The following DHX30 variants were observed in gnomAD, a reference collection of about 807,000 sequenced individuals.
DHX30 encodes ATP-dependent RNA helicase DHX30.
DHX30 carries 4 observed loss-of-function variants against 116.9 expected under a neutral mutation model. The observed-to-expected ratio is 0.03, with a 90% CI of 0.02 to 0.08. The LOEUF is 0.08. Ranked by LOEUF, DHX30 falls within the 10% of genes least tolerant of loss-of-function variation. DHX30 has a pLI of 1.00. For synonymous variants in DHX30, 697 were observed against 651.7 expected, an observed-to-expected ratio of 1.07 and a Z score of -1.06; for missense variants, 871 against 1,595.1, an observed-to-expected ratio of 0.55 and a Z score of 7.73.
intron 9 of DHX30, among the ~76,000 whole-genome samples, chr3:47,845,298 G>A (rs1372393355): frequency 1.3e-5 from 2 of 151,864 alleles, no homozygotes; most frequent in African/African-American, 2.4e-5. Context: ...GGCGATTCTC[G>A]TGCCTCAGCC....
chr3:47,835,161 G>A (rs996491325), intron 6 of DHX30, among the ~76,000 whole-genome samples: 1 of 148,792 alleles, frequency 6.7e-6, no homozygotes, highest in African/African-American at 2.5e-5. Context: ...GTGCCATCAT[G>A]CCTGGCTAAT....
intron 2 of DHX30, among the ~76,000 whole-genome samples, chr3:47,809,549 G>A (rs977671473): frequency 1.3e-5 from 2 of 152,106 alleles, no homozygotes; most frequent in Non-Finnish European, 2.9e-5. Flanking sequence ...TGGCCGGAAT[G>A]TAACTTCTTA....
intron 5 of DHX30, among the ~76,000 whole-genome samples, chr3:47,828,538 G>A (rs1305195273): frequency 1.3e-5 from 2 of 151,780 alleles, no homozygotes; most frequent in African/African-American, 2.4e-5. Context: ...TTGGGAGGCC[G>A]AGGTGGGCGG....
At chr3:47,839,704 G>A (rs2037280138) in intron 6 of DHX30, among the ~76,000 whole-genome samples, 2 of 148,888 alleles carry the variant, frequency 1.3e-5, no homozygotes, top group South Asian at 4.3e-4. Flanking sequence ...TTTTTTTGTG[G>A]AGTCTCTATT....
chr3:47,813,403 G>A (rs1489470119), intron 3 of DHX30, among the ~76,000 whole-genome samples: 1 of 152,180 alleles, frequency 6.6e-6, no homozygotes, highest in Non-Finnish European at 1.5e-5. Flanking sequence ...TGAGTGAGGG[G>A]GTTGCATAGG....
At chr3:47,842,600 C>T (rs898701742) in intron 8 of DHX30, 2 of 152,582 alleles carry the variant, frequency 1.3e-5, no homozygotes, top group African/African-American at 4.8e-5. Flanking sequence ...GTTAATCGAG[C>T]CCCTTCCTCG....
intron 4 of DHX30, among the ~76,000 whole-genome samples, chr3:47,823,904 A>C (rs1358549571): frequency 2.0e-5 from 3 of 152,088 alleles, no homozygotes; most frequent in Admixed American, 2.0e-4. Flanking sequence ...GGCTTCCTCA[A>C]GTGCCACAAA....
Position 47,849,642 on chromosome 3 carries a change from G to A in DHX30, c.3204G>A (p.Arg1068=), listed in dbSNP as rs1250110902. The A allele has an allele frequency of 6.2e-7, 1 of 1,614,110 alleles. No homozygotes were observed. The highest frequency in any genetic ancestry group is 1.3e-5 in the African/African-American group (1 of 74,944). ...CTGTGTTCCCTAGGGAGGCCACACGGTTACGGAGCCGATGGCTGACGTATT... is the reference window on the plus strand; with the variant it reads ...CTGTGTTCCCTAGGGAGGCCACACGATTACGGAGCCGATGGCTGACGTATT... ...HKSTINREAT[R]LRSRWLTYFM... is the part of the protein sequence containing the mutation. Residue 1068 remains arginine (R), a synonymous_variant, in exon 21 of 22, where the codon CGG becomes CGA. Coordinates refer to ENST00000445061, the MANE Select transcript of DHX30 (RefSeq NM_138615.3).
At chr3:47,805,557 G>A in intron 2 of DHX30, 137 bp downstream of exon 2, 1 of 388,206 alleles carries the variant, frequency 2.6e-6, no homozygotes, top group South Asian at 1.4e-4. Context: ...TTTTATTTTT[G>A]AGACAGAGTC....
intron 3 of DHX30, among the ~76,000 whole-genome samples, chr3:47,813,810 A>G (rs2035908217): frequency 6.7e-6 from 1 of 149,152 alleles, no homozygotes; most frequent in South Asian, 2.1e-4. Context: ...AGAGAGCAGC[A>G]TGTCCCTGCC....
chr3:47,810,822 TG>T, intron 3 of DHX30, 111 bp downstream of exon 3: 1 of 1,203,148 alleles, frequency 8.3e-7, no homozygotes, highest in South Asian at 1.3e-5. Flanking sequence ...TTTCTTTGGG[TG>T]GTTTTCCAAA....
intron 7 of DHX30, 126 bp downstream of exon 7, chr3:47,841,304 C>T: frequency 1.4e-6 from 2 of 1,383,902 alleles, no homozygotes; most frequent in East Asian, 2.5e-5. Flanking sequence ...CTGTGTGCCC[C>T]ATCACTCAGT....
intron 3 of DHX30, among the ~76,000 whole-genome samples, chr3:47,815,723 C>CAAAA (rs11349970): frequency 1.9e-4 from 4 of 20,758 alleles, no homozygotes; most frequent in Admixed American, 7.7e-4. Flanking sequence ...TAAAAAAGAG[C>CAAAA]AAAAAAAAAA....
At position 47,803,162 on chromosome 3, in the gene DHX30, C is replaced by T. The variant is rs1182074825; in HGVS notation, c.-173C>T. On this transcript the variant is annotated 5_prime_UTR_variant, in exon 1 of 22. Coordinates refer to ENST00000445061, the MANE Select transcript of DHX30 (RefSeq NM_138615.3). ...TGTAGTCCGGCCGTGGTTGGGGGAGCCGCGGCTCATGCGCGGTGCACAGAG... is the reference window on the plus strand; with the variant it reads ...TGTAGTCCGGCCGTGGTTGGGGGAGTCGCGGCTCATGCGCGGTGCACAGAG... 2.5e-6 allele frequency: 1 copy of T among 394,022 alleles called. No homozygotes were observed. Among genetic ancestry groups the T allele is most frequent in the Non-Finnish European group, 4.5e-6 (1 of 223,002 alleles). 24.4% of individuals were successfully genotyped at this position (394,022 alleles called of 1,614,324 possible). A position where few individuals can be genotyped will look rare whatever the true frequency, so the allele number is the denominator to read the frequency against.
chr3:47,825,410 G>A (rs561260256), intron 4 of DHX30, among the ~76,000 whole-genome samples: 2 of 152,238 alleles, frequency 1.3e-5, no homozygotes, highest in African/African-American at 2.4e-5. Context: ...TGTTTGTAAA[G>A]CTTAGCGTGG....
At chr3:47,839,343 G>A (rs1425053312) in intron 6 of DHX30, among the ~76,000 whole-genome samples, 2 of 138,056 alleles carry the variant, frequency 1.4e-5, no homozygotes, top group African/African-American at 2.8e-5. Context: ...TACCCAGGCT[G>A]GAGTGCAATG....
chr3:47,812,610 G>A (rs1271919318), intron 3 of DHX30, among the ~76,000 whole-genome samples: 2 of 150,784 alleles, frequency 1.3e-5, no homozygotes, highest in African/African-American at 4.9e-5. Flanking sequence ...AAGGATAGTA[G>A]CAAGCCATGA....
At position 47,849,889 on chromosome 3, in the gene DHX30, C is replaced by T. The variant is rs2038048704; in HGVS notation, c.3354C>T (p.Ile1118=). ...HIRDDGRRAT[I]SLSDSDLLRL... ...CAGATGACGGGCGCCGGGCCACCATCTCACTGAGCGACAGTGACCTGCTGC... is the reference window on the plus strand; with the variant it reads ...CAGATGACGGGCGCCGGGCCACCATTTCACTGAGCGACAGTGACCTGCTGC... Residue 1118 remains isoleucine (I), a synonymous_variant, in exon 22 of 22, where the codon ATC becomes ATT. Transcript: ENST00000445061. 2.5e-6 allele frequency: 4 copies of T among 1,613,132 alleles called. No individual in the cohort carries two copies. The highest frequency in any genetic ancestry group is 3.4e-6 in the Non-Finnish European group (4 of 1,179,512).
Position 47,840,857 on chromosome 3 carries a change from A to G in DHX30, c.367-20A>G. On this transcript the variant is annotated intron_variant, in intron 6 of 21. Coordinates refer to ENST00000445061, the MANE Select transcript of DHX30 (RefSeq NM_138615.3). Reference sequence around the variant, plus strand: ...TGTAAAGATGGTATCAATCCTTAAAACGTCCCTTTTCCCCTCCAGGGTTGG... The same window carrying G: ...TGTAAAGATGGTATCAATCCTTAAAGCGTCCCTTTTCCCCTCCAGGGTTGG... 1 of 1,613,950 alleles carries G rather than the reference A, an allele frequency of 6.2e-7. No homozygotes were observed. Among genetic ancestry groups the G allele is most frequent in the Non-Finnish European group, 8.5e-7 (1 of 1,179,986 alleles).
Sources: allele counts gnomAD v4.1 joint callset (sites outside exome capture counted in the v4.1 genomes callset), GRCh38; gene constraint gnomAD v4.1.1; transcripts MANE v1.5; gene names NCBI Gene and HGNC (gene_info 2026-07-23, HGNC 2026-07-21).